Variants in PCDH15 observed in about 807,000 individuals in gnomAD.
PCDH15 encodes the protein protocadherin related 15.
Under a neutral mutation model 178.5 loss-of-function variants are expected in PCDH15, and 129 were observed. That is an observed-to-expected ratio of 0.72 (90% CI 0.63 to 0.84). PCDH15 has a LOEUF of 0.84. PCDH15 is among the 40% of genes least tolerant of loss of function. The pLI is 0.00. For synonymous variants in PCDH15, 800 were observed against 732.0 expected, an observed-to-expected ratio of 1.09 and a Z score of -1.50; for missense variants, 2,230 against 2,099.9, an observed-to-expected ratio of 1.06 and a Z score of -1.21.
At chr10:54,534,393 T>C (rs1322500794) in intron 2 of PCDH15, among the ~76,000 whole-genome samples, 1 of 152,078 alleles carries the variant, frequency 6.6e-6, no homozygotes, top group Non-Finnish European at 1.5e-5. Flanking sequence ...CTAGATATAC[T>C]CTGATGGATT....
At chr10:54,542,220 A>G (rs896938534) in intron 2 of PCDH15, among the ~76,000 whole-genome samples, 3 of 152,284 alleles carry the variant, frequency 2.0e-5, no homozygotes, top group African/African-American at 7.2e-5. Context: ...CTGTGCTAAT[A>G]TTTACCTTTC....
At chr10:53,907,956 C>T (rs949009099) in intron 25 of PCDH15, among the ~76,000 whole-genome samples, 1 of 152,088 alleles carries the variant, frequency 6.6e-6, no homozygotes. Flanking sequence ...GACTGTGATG[C>T]TAGTTTTTTC....
chr10:54,331,164 GAA>G (rs35144203), intron 6 of PCDH15, among the ~76,000 whole-genome samples: 10 of 148,826 alleles, frequency 6.7e-5, no homozygotes, highest in Admixed American at 2.7e-4. Context: ...TAAACTCAAT[GAA>G]AAAAAAAAAG....
At chr10:55,526,767 G>A (rs556912074) in intron 2 of PCDH15, among the ~76,000 whole-genome samples, 1 of 152,126 alleles carries the variant, frequency 6.6e-6, no homozygotes, top group South Asian at 2.1e-4. Flanking sequence ...TTCCTAATTA[G>A]AGATTCACAG....
chr10:55,158,076 G>A (rs1838944520), intron 2 of PCDH15, among the ~76,000 whole-genome samples: 1 of 110,604 alleles, frequency 9.0e-6, no homozygotes, highest in African/African-American at 4.4e-5. Context: ...GTGTATGTGT[G>A]TGTATATATA....
chr10:55,455,477 G>A (rs998925281), intron 2 of PCDH15, among the ~76,000 whole-genome samples: 1 of 151,778 alleles, frequency 6.6e-6, no homozygotes, highest in African/African-American at 2.4e-5. Flanking sequence ...TTACCATATA[G>A]TATCAACAAT....
chr10:54,441,159 G>A (rs1246260298), intron 3 of PCDH15, among the ~76,000 whole-genome samples: 2 of 151,818 alleles, frequency 1.3e-5, no homozygotes, highest in Non-Finnish European at 2.9e-5. Flanking sequence ...GACTCATATA[G>A]GTGTGAGAGC....
At chr10:54,214,525 A>T (rs2051791996) in intron 9 of PCDH15, among the ~76,000 whole-genome samples, 3 of 152,202 alleles carry the variant, frequency 2.0e-5, no homozygotes, top group Non-Finnish European at 2.9e-5. Context: ...TATCAAGCTA[A>T]TAATGTTAAT....
At chr10:53,909,811 C>A (rs112761655) in intron 25 of PCDH15, among the ~76,000 whole-genome samples, 1 of 152,176 alleles carries the variant, frequency 6.6e-6, no homozygotes, top group Non-Finnish European at 1.5e-5. Context: ...CCAAATGCTG[C>A]GCTTTTCCAA....
chr10:54,528,366 G>T, intron 2 of PCDH15: 3 of 1,563,694 alleles, frequency 1.9e-6, no homozygotes, highest in Non-Finnish European at 2.6e-6. Flanking sequence ...GTTGTTTGGG[G>T]TTTTTATTTT....
chr10:53,988,215 C>T (rs2091237675), intron 21 of PCDH15, among the ~76,000 whole-genome samples: 1 of 152,170 alleles, frequency 6.6e-6, no homozygotes, highest in African/African-American at 2.4e-5. Context: ...TAGCCTCACA[C>T]TGCCATCTGC....
At chr10:55,479,283 G>A (rs1840125507) in intron 2 of PCDH15, among the ~76,000 whole-genome samples, 1 of 151,348 alleles carries the variant, frequency 6.6e-6, no homozygotes, top group Admixed American at 6.6e-5. Flanking sequence ...CATCAAAAAG[G>A]TCATTCAGTA....
intron 2 of PCDH15, among the ~76,000 whole-genome samples, chr10:54,628,712 A>T (rs907521902): frequency 1.3e-5 from 2 of 152,128 alleles, no homozygotes; most frequent in African/African-American, 4.8e-5. Flanking sequence ...TTTTGGGTGC[A>T]AAGGATAGAT....
chr10:55,137,970 G>A (rs1205576986), intron 2 of PCDH15, among the ~76,000 whole-genome samples: 1 of 152,156 alleles, frequency 6.6e-6, no homozygotes, highest in Non-Finnish European at 1.5e-5. Context: ...ATAATTCAAG[G>A]CCTGAAAACC....
At chr10:55,614,321 T>C (rs1450698766) in intron 2 of PCDH15, among the ~76,000 whole-genome samples, 3 of 152,138 alleles carry the variant, frequency 2.0e-5, no homozygotes, top group Non-Finnish European at 4.4e-5. Context: ...AAGTGCTGCT[T>C]TTTTAGAGAT....
chr10:55,357,387 A>G (rs1450398365), intron 2 of PCDH15, among the ~76,000 whole-genome samples: 1 of 151,970 alleles, frequency 6.6e-6, no homozygotes, highest in Non-Finnish European at 1.5e-5. Flanking sequence ...GTGTGCAACA[A>G]AGAATACTAC....
chr10:54,392,759 C>T (rs1950713205), intron 3 of PCDH15, among the ~76,000 whole-genome samples: 1 of 151,536 alleles, frequency 6.6e-6, no homozygotes, highest in South Asian at 2.1e-4. Flanking sequence ...ATTAGCTGGG[C>T]ATGGTGGTGC....
In PCDH15 at chr10:54,340,756, A is replaced by G. The variant is rs530212965; in HGVS notation, c.594+5609T>C. On this transcript the variant is annotated intron_variant, in intron 6 of 37. Transcript: ENST00000644397. ...CATTGGCATGGTTTGGGGGTTTGCC[A>G]TTCTCCTCCCTTGATTTTTCTTTTG... Among the ~76,000 whole-genome samples, 97 of 152,128 alleles carry G rather than the reference A, an allele frequency of 6.4e-4. 1 individual carries two copies. Among genetic ancestry groups the G allele is most frequent in the Admixed American group, 6.3e-3 (97 of 15,278 alleles).
chr10:54,680,354 C>T (rs1331265344), intron 1 of PCDH15, among the ~76,000 whole-genome samples: 1 of 152,078 alleles, frequency 6.6e-6, no homozygotes, highest in Non-Finnish European at 1.5e-5. Context: ...TTTTAAGATG[C>T]ATTTCTCCTA....
Sources: gnomAD v4.1 joint callset for allele counts (sites outside exome capture counted in the v4.1 genomes callset) on GRCh38, gnomAD v4.1.1 for gene constraint, MANE v1.5 for transcripts, NCBI Gene and HGNC (gene_info 2026-07-23, HGNC 2026-07-21) for gene names.